The following RSPO3 variants were observed in gnomAD, a reference collection of about 807,000 sequenced individuals.
RSPO3 encodes the protein R-spondin 3.
A neutral mutation model predicts 36.5 loss-of-function variants in RSPO3; 17 were observed. That is an observed-to-expected ratio of 0.47 (90% confidence interval 0.32 to 0.70). RSPO3 has a LOEUF of 0.70. RSPO3 is among the 30% of genes least tolerant of loss of function. The probability of loss-of-function intolerance (pLI) is 0.04; values close to 1 mark genes in which losing one functional copy is unlikely to be tolerated. For synonymous variants in RSPO3, 108 were observed against 107.0 expected, an observed-to-expected ratio of 1.01 and a Z score of -0.06; for missense variants, 294 against 322.5, an observed-to-expected ratio of 0.91 and a Z score of 0.68.
chr6:127,177,674 T>C (rs955257874), intron 4 of RSPO3, among the ~76,000 whole-genome samples: 1 of 151,850 alleles, frequency 6.6e-6, no homozygotes, highest in East Asian at 1.9e-4. Flanking sequence ...AATAGAAGTT[T>C]TAAAATAGGT....
intron 4 of RSPO3, among the ~76,000 whole-genome samples, chr6:127,191,980 T>C (rs1775418961): frequency 1.3e-5 from 2 of 152,216 alleles, no homozygotes; most frequent in South Asian, 2.1e-4. Context: ...CACCATGTCC[T>C]TGCATGCCTT....
chr6:127,154,546 C>T (rs1352313231), intron 3 of RSPO3, among the ~76,000 whole-genome samples: 1 of 152,156 alleles, frequency 6.6e-6, no homozygotes, highest in African/African-American at 2.4e-5. Context: ...ATAGATGCCG[C>T]TATGCCTGAA....
At chr6:127,152,104 T>C (rs879394654) in intron 3 of RSPO3, among the ~76,000 whole-genome samples, 5 of 152,150 alleles carry the variant, frequency 3.3e-5, no homozygotes, top group South Asian at 2.1e-4. Flanking sequence ...CTTGGCACTA[T>C]TGGATTTGCC....
intron 4 of RSPO3, among the ~76,000 whole-genome samples, chr6:127,174,081 A>G (rs1466944215): frequency 7.3e-6 from 1 of 137,422 alleles, no homozygotes; most frequent in Non-Finnish European, 1.6e-5. Context: ...GTTGTCAAAC[A>G]TCAGTGCATT....
At chr6:127,151,077 A>G (rs1316745777) in intron 3 of RSPO3, among the ~76,000 whole-genome samples, 2 of 151,948 alleles carry the variant, frequency 1.3e-5, no homozygotes, top group Admixed American at 1.3e-4. Flanking sequence ...GACACAGCCC[A>G]TTAATGCTCA....
At chr6:127,188,931 C>A (rs1775352210) in intron 4 of RSPO3, among the ~76,000 whole-genome samples, 1 of 152,232 alleles carries the variant, frequency 6.6e-6, no homozygotes, top group African/African-American at 2.4e-5. Flanking sequence ...ACATTGTGCT[C>A]TATTGAGAAA....
intron 1 of RSPO3, among the ~76,000 whole-genome samples, chr6:127,127,041 T>C (rs1037872069): frequency 1.2e-4 from 18 of 152,070 alleles, no homozygotes; most frequent in African/African-American, 3.1e-4. Context: ...CCAAAAATTG[T>C]CCTTAGAAAA....
At chr6:127,160,711 C>T (rs768118595) in intron 4 of RSPO3, among the ~76,000 whole-genome samples, 17 of 152,166 alleles carry the variant, frequency 1.1e-4, no homozygotes, top group Non-Finnish European at 2.1e-4. Context: ...CAATGGCAAA[C>T]TGACATGGCA....
chr6:127,185,119 C>A (rs76536963), intron 4 of RSPO3, among the ~76,000 whole-genome samples: 2,936 of 152,018 alleles, frequency 0.019, 68 homozygotes, highest in African/African-American at 0.065. Flanking sequence ...AACCTCCAAA[C>A]AAATTTTAAA....
At chr6:127,180,487 C>CAAAAAAAAAA (rs71543112) in intron 4 of RSPO3, among the ~76,000 whole-genome samples, 36 of 42,644 alleles carry the variant, frequency 8.4e-4, no homozygotes, top group Non-Finnish European at 9.7e-4. Context: ...TGGAAGAAAA[C>CAAAAAAAAAA]AAAAAAAAAA....
At chr6:127,172,643 A>T (rs1481652888) in intron 4 of RSPO3, among the ~76,000 whole-genome samples, 1 of 151,876 alleles carries the variant, frequency 6.6e-6, no homozygotes, top group Non-Finnish European at 1.5e-5. Context: ...CCATTACCAT[A>T]ACCATATTAA....
chr6:127,120,146 G>T (rs1247602199), intron 1 of RSPO3, among the ~76,000 whole-genome samples: 1 of 152,110 alleles, frequency 6.6e-6, no homozygotes, highest in African/African-American at 2.4e-5. Context: ...TTCTTAAGAC[G>T]GTGTCCTAGC....
chr6:127,138,859 T>C (rs1774212008), intron 1 of RSPO3, among the ~76,000 whole-genome samples: 1 of 152,168 alleles, frequency 6.6e-6, no homozygotes, highest in Non-Finnish European at 1.5e-5. Context: ...AAATAAATAT[T>C]GGTAACTCAG....
chr6:127,156,898 A>G (rs1403782679), intron 4 of RSPO3, among the ~76,000 whole-genome samples: 1 of 152,194 alleles, frequency 6.6e-6, no homozygotes, highest in African/African-American at 2.4e-5. Context: ...GCAAAGAAAC[A>G]TCCATTATGC....
chr6:127,122,398 T>G (rs1490078154), intron 1 of RSPO3, among the ~76,000 whole-genome samples: 1 of 152,234 alleles, frequency 6.6e-6, no homozygotes, highest in Non-Finnish European at 1.5e-5. Flanking sequence ...AAGCACTTTT[T>G]TTTTGCCATA....
At chr6:127,126,684 C>A (rs1051443887) in intron 1 of RSPO3, among the ~76,000 whole-genome samples, 2 of 152,096 alleles carry the variant, frequency 1.3e-5, no homozygotes, top group Non-Finnish European at 2.9e-5. Flanking sequence ...GGTGCAGTAT[C>A]TGTTCATCAC....
chr6:127,136,292 C>A (rs779759461), intron 1 of RSPO3, among the ~76,000 whole-genome samples: 3 of 152,146 alleles, frequency 2.0e-5, no homozygotes, highest in Non-Finnish European at 4.4e-5. Flanking sequence ...TATTTCCTTA[C>A]TCCAAGATAT....
intron 1 of RSPO3, among the ~76,000 whole-genome samples, chr6:127,127,440 T>A (rs145663520): frequency 2.0e-4 from 30 of 152,298 alleles, no homozygotes; most frequent in Middle Eastern, 3.4e-3. Flanking sequence ...AGAGCCACTG[T>A]TATATTTATG....
chr6:127,130,466 C>A (rs1040779392), intron 1 of RSPO3, among the ~76,000 whole-genome samples: 1 of 152,026 alleles, frequency 6.6e-6, no homozygotes, highest in East Asian at 1.9e-4. Flanking sequence ...CTTTTTCTGG[C>A]CAGCTTTTTC....
Sources: allele counts gnomAD v4.1 joint callset (sites outside exome capture counted in the v4.1 genomes callset), GRCh38; gene constraint gnomAD v4.1.1; transcripts MANE v1.5; gene names NCBI Gene and HGNC (gene_info 2026-07-23, HGNC 2026-07-21).